The following ZDHHC2 variants were observed in gnomAD, a reference collection of about 807,000 sequenced individuals.
ZDHHC2 encodes zDHHC palmitoyltransferase 2.
Under a neutral mutation model 55.6 loss-of-function variants are expected in ZDHHC2, and 51 were observed. The ratio of observed to expected loss-of-function variants is 0.92; its 90% confidence interval spans 0.73 to 1.16. The LOEUF is 1.16. Ranked by LOEUF, ZDHHC2 falls within the 50% of genes most tolerant of loss-of-function variation. The probability of loss-of-function intolerance (pLI) is 0.00; values close to 1 mark genes in which losing one functional copy is unlikely to be tolerated. For missense variants in ZDHHC2, 491 were observed against 442.4 expected (o/e 1.11, Z -0.99); for synonymous variants, 199 against 152.9 (o/e 1.30, Z -2.22).
At chr8:17,210,553 T>C in intron 10 of ZDHHC2, 73 bp downstream of exon 10, 1 of 1,290,134 alleles carries the variant, frequency 7.8e-7, no homozygotes, top group East Asian at 2.6e-5. Flanking sequence ...GGTTATATGT[T>C]CCTTTGAAAA....
At chr8:17,201,403 G>C (rs920270360) in intron 6 of ZDHHC2, among the ~76,000 whole-genome samples, 3 of 141,990 alleles carry the variant, frequency 2.1e-5, no homozygotes, top group African/African-American at 5.1e-5. Flanking sequence ...TTGTGTGAAT[G>C]TATTCATCTA....
intron 3 of ZDHHC2, among the ~76,000 whole-genome samples, chr8:17,189,678 A>G (rs1805918660): frequency 1.3e-5 from 2 of 152,188 alleles, no homozygotes; most frequent in Non-Finnish European, 2.9e-5. Flanking sequence ...GGGAGAGTAG[A>G]GAAGGTTTGA....
chr8:17,169,093 G>A (rs1563141240), intron 1 of ZDHHC2, among the ~76,000 whole-genome samples: 1 of 152,108 alleles, frequency 6.6e-6, no homozygotes, highest in Non-Finnish European at 1.5e-5. Context: ...AATTTTTTGA[G>A]GACACCATAC....
chr8:17,186,654 A>T lies in ZDHHC2; in HGVS notation c.252+229A>T, dbSNP rs527573829. Among the ~76,000 whole-genome samples the T allele has an allele frequency of 7.7e-4, 117 of 152,314 alleles. 1 individual carries two copies. In the South Asian group the frequency reaches 0.014, roughly 18 times the overall value. ...CTGTATTGAATCTGTTATGAATTCC[A>T]TTTCCACTTTAGAGTCAGACATCAG... is the stretch of plus-strand genomic sequence containing the variant. On this transcript the variant is annotated intron_variant, in intron 3 of 12. Transcript: ENST00000262096.
intron 3 of ZDHHC2, among the ~76,000 whole-genome samples, chr8:17,189,549 A>C (rs550850154): frequency 1.3e-5 from 2 of 152,338 alleles, no homozygotes; most frequent in South Asian, 2.1e-4. Context: ...TTATTCATAC[A>C]CATGCAGGTT....
At chr8:17,184,597 C>T (rs1805613007) in intron 1 of ZDHHC2, among the ~76,000 whole-genome samples, 192 bp from the exon 2 acceptor site, 1 of 141,386 alleles carries the variant, frequency 7.1e-6, no homozygotes, top group South Asian at 2.4e-4. Context: ...TGGCTGACTG[C>T]AGCCTCCAGC....
chr8:17,176,932 G>A (rs1437910040), intron 1 of ZDHHC2, among the ~76,000 whole-genome samples: 1 of 151,994 alleles, frequency 6.6e-6, no homozygotes, highest in Non-Finnish European at 1.5e-5. Context: ...GAAGAAAAGG[G>A]TACCATTGCA....
intron 1 of ZDHHC2, among the ~76,000 whole-genome samples, chr8:17,171,239 CAGG>C (rs1312241826): frequency 1.3e-5 from 2 of 152,172 alleles, no homozygotes; most frequent in Non-Finnish European, 1.5e-5. Context: ...TCTATCTAAA[CAGG>C]AGAAGTAAAC....
intron 3 of ZDHHC2, among the ~76,000 whole-genome samples, chr8:17,192,241 C>G (rs1806072873): frequency 6.6e-6 from 1 of 152,198 alleles, no homozygotes; most frequent in African/African-American, 2.4e-5. Flanking sequence ...CCGCTTTGGC[C>G]TCCCAAAGTG....
chr8:17,185,345 AC>A (rs1340537207), intron 2 of ZDHHC2, among the ~76,000 whole-genome samples: 3 of 152,168 alleles, frequency 2.0e-5, no homozygotes, highest in African/African-American at 7.2e-5. Flanking sequence ...AAGCATTATC[AC>A]CATATAGAAA....
chr8:17,204,852 T>A (rs1807017168), intron 6 of ZDHHC2, among the ~76,000 whole-genome samples: 1 of 151,798 alleles, frequency 6.6e-6, no homozygotes, highest in South Asian at 2.1e-4. Flanking sequence ...AAAAGAAAAA[T>A]CTTAACAAAA....
chr8:17,160,455 T>G (rs1298504069), intron 1 of ZDHHC2, among the ~76,000 whole-genome samples: 2 of 152,206 alleles, frequency 1.3e-5, no homozygotes, highest in Non-Finnish European at 2.9e-5. Context: ...GCTAACCCCT[T>G]CTGTATTTTT....
chr8:17,210,273 A>T, intron 9 of ZDHHC2, 115 bp from the exon 10 acceptor site: 1 of 1,139,970 alleles, frequency 8.8e-7, no homozygotes, highest in Admixed American at 2.8e-5. Flanking sequence ...TGTCTAATAC[A>T]CATTTTTTTT....
intron 6 of ZDHHC2, among the ~76,000 whole-genome samples, chr8:17,201,884 A>T (rs182177531): frequency 1.3e-5 from 2 of 152,094 alleles, no homozygotes; most frequent in South Asian, 2.1e-4. Flanking sequence ...TGGATCAACA[A>T]TACCTCTCTA....
intron 8 of ZDHHC2, 53 bp downstream of exon 8, chr8:17,208,145 T>C: frequency 2.7e-6 from 4 of 1,464,496 alleles, no homozygotes; most frequent in South Asian, 1.4e-5. Context: ...ATACCAACAT[T>C]CATTGACAGT....
intron 2 of ZDHHC2, among the ~76,000 whole-genome samples, 185 bp from the exon 3 acceptor site, chr8:17,186,146 A>G (rs1805696637): frequency 6.6e-6 from 1 of 152,212 alleles, no homozygotes; most frequent in African/African-American, 2.4e-5. Context: ...AATTTTTGTA[A>G]AAAACTCTTG....
At chr8:17,218,801 CAT>C (rs1444827835) in intron 12 of ZDHHC2, among the ~76,000 whole-genome samples, 4 of 152,090 alleles carry the variant, frequency 2.6e-5, no homozygotes, top group East Asian at 1.9e-4. Context: ...GTTGCAGTAA[CAT>C]GTTTTGTTTT....
intron 1 of ZDHHC2, among the ~76,000 whole-genome samples, chr8:17,177,163 A>G (rs577388706): frequency 1.3e-5 from 2 of 152,336 alleles, no homozygotes; most frequent in South Asian, 4.1e-4. Context: ...AAAGAAGAGC[A>G]TAATTAATTC....
chr8:17,215,305 A>C lies in ZDHHC2; in HGVS notation c.1019A>C (p.Gln340Pro). The C allele has an allele frequency of 1.3e-6, 2 of 1,599,038 alleles. No individual in the cohort carries two copies. Among genetic ancestry groups the C allele is most frequent in the South Asian group, 2.3e-5 (2 of 87,852 alleles). Residue 340 changes from glutamine to proline, a missense_variant, in exon 11 of 13, where the codon CAG (glutamine) becomes CCG (proline). By Grantham distance (76) the Gln-to-Pro change is moderately conservative (BLOSUM62 -1). Transcript: ENST00000262096. ...ESQSHLLTDS[Q>P]SWTESSINPG... is the part of the protein sequence containing the mutation. Reference sequence around the variant, plus strand: ...CAGAGCCACCTTCTTACTGATTCTCAGTCTTGGACGGAGAGCAGCATAAAC... The same window carrying C: ...CAGAGCCACCTTCTTACTGATTCTCCGTCTTGGACGGAGAGCAGCATAAAC...
Sources: allele counts gnomAD v4.1 joint callset (sites outside exome capture counted in the v4.1 genomes callset), GRCh38; gene constraint gnomAD v4.1.1; transcripts MANE v1.5; gene names NCBI Gene and HGNC (gene_info 2026-07-23, HGNC 2026-07-21).